The following NF2 variants were observed in gnomAD, a reference collection of about 807,000 sequenced individuals.
The protein encoded by NF2 is NF2, moesin-ezrin-radixin like (MERLIN) tumor suppressor.
A neutral mutation model predicts 83.7 loss-of-function variants in NF2; 8 were observed. The ratio of observed to expected loss-of-function variants is 0.10; its 90% CI spans 0.06 to 0.17. The LOEUF (loss-of-function observed/expected upper bound fraction) is 0.17. NF2 is among the 10% of genes least tolerant of loss of function. NF2 has a pLI of 1.00. For missense variants in NF2, 533 were observed against 744.4 expected (o/e 0.72, Z 3.31); for synonymous variants, 266 against 269.6 (o/e 0.99, Z 0.13).
chr22:29,607,233 T>C (rs573760763), intron 1 of NF2, among the ~76,000 whole-genome samples: 64 of 152,302 alleles, frequency 4.2e-4, no homozygotes, highest in African/African-American at 1.5e-3. Flanking sequence ...AAAAATGCTT[T>C]CCTCCAAACA....
chr22:29,632,542 C>T (rs2065543011), intron 1 of NF2, among the ~76,000 whole-genome samples: 1 of 152,224 alleles, frequency 6.6e-6, no homozygotes, highest in Non-Finnish European at 1.5e-5. Flanking sequence ...TAGTTCATAT[C>T]CTAGTCCTCT....
In NF2 at chr22:29,696,749, G is replaced by C. The variant is rs546242180; in HGVS notation, c.*1947G>C. The C allele has an allele frequency of 4.5e-6, 1 of 220,474 alleles. No individual in the cohort carries two copies. Among genetic ancestry groups the C allele is most frequent in the African/African-American group, 2.3e-5 (1 of 44,438 alleles). 13.7% of individuals were successfully genotyped at this position (220,474 alleles called of 1,614,324 possible). A position where few individuals can be genotyped will look rare whatever the true frequency, so the allele number is the denominator to read the frequency against. On this transcript the variant is annotated 3_prime_UTR_variant, in exon 16 of 16. Coordinates refer to ENST00000338641, the MANE Select transcript of NF2 (RefSeq NM_000268.4). ...TTCCTAGTGTGACCCAGCCAGGAGC[G>C]GAAGCTTCAGGCGTTTGTAAAGTGA...
chr22:29,655,816 G>A, intron 6 of NF2, 140 bp downstream of exon 6: 1 of 715,332 alleles, frequency 1.4e-6, no homozygotes. Context: ...GAGAGCTGGG[G>A]AGCTGGGAGT....
chr22:29,625,240 T>G (rs534522869), intron 1 of NF2, among the ~76,000 whole-genome samples: 1 of 152,348 alleles, frequency 6.6e-6, no homozygotes, highest in African/African-American at 2.4e-5. Flanking sequence ...TCTTCTTTTT[T>G]GTAACATGCT....
chr22:29,607,095 G>C (rs1645141873), intron 1 of NF2, among the ~76,000 whole-genome samples: 1 of 152,106 alleles, frequency 6.6e-6, no homozygotes, highest in Admixed American at 6.6e-5. Context: ...TGTCCCTCCT[G>C]TCCTGGTTGT....
chr22:29,681,353 A>G (rs1237543956), intron 14 of NF2, 86 bp from the exon 15 acceptor site: 9 of 1,561,704 alleles, frequency 5.8e-6, no homozygotes, highest in South Asian at 2.2e-5. Context: ...TAGATCGCAC[A>G]CCAAGCAGCT....
intron 1 of NF2, among the ~76,000 whole-genome samples, chr22:29,624,491 A>T (rs1282511717): frequency 6.6e-6 from 1 of 152,176 alleles, no homozygotes; most frequent in African/African-American, 2.4e-5. Flanking sequence ...TACAGGTGTG[A>T]GCCAACGTGC....
Position 29,637,651 on chromosome 22 carries a change from A to G in NF2, c.240+775A>G, listed in dbSNP as rs553537860. 1.6e-4 allele frequency among the ~76,000 whole-genome samples: 25 copies of G among 151,976 alleles called. No individual in the cohort carries two copies. In the South Asian group the frequency reaches 5.2e-3, roughly 32 times the overall value. On this transcript the variant is annotated intron_variant, in intron 2 of 15. Transcript: ENST00000338641. ...TCTTACCCCAAATGATGCCCCCTCC[A>G]GTTGCCTACCTGAGCATAATAAATA...
chr22:29,673,192 ATC>A (rs745890444), intron 11 of NF2, 75 bp from the exon 12 acceptor site: 56 of 1,464,796 alleles, frequency 3.8e-5, no homozygotes, highest in Non-Finnish European at 5.2e-5. Flanking sequence ...GGTTTGTCCC[ATC>A]TCAGTGTTCA....
chr22:29,605,151 ATTTTTTT>A lies in NF2; in HGVS notation c.114+1055_114+1061del, dbSNP rs34646924. On this transcript the variant is annotated intron_variant, in intron 1 of 15. Transcript: ENST00000338641. ...AGGCGTGTGCCACCACACCTGGCTAATTTTTTTTTTTTTTTTTTTTTTGAGACGGAGT... is the reference window on the plus strand; with the variant it reads ...AGGCGTGTGCCACCACACCTGGCTAATTTTTTTTTTTTTTTGAGACGGAGT... 1.9e-3 allele frequency among the ~76,000 whole-genome samples: 198 copies of A among 101,898 alleles called. 2 individuals carry two copies. Among genetic ancestry groups the A allele is most frequent in the African/African-American group, 7.9e-3 (189 of 24,008 alleles). 66.8% of individuals were successfully genotyped at this position (101,898 alleles called of 152,430 possible). A position where few individuals can be genotyped will look rare whatever the true frequency, so the allele number is the denominator to read the frequency against.
intron 4 of NF2, among the ~76,000 whole-genome samples, chr22:29,646,660 TAAAG>T (rs994987863): frequency 2.6e-5 from 4 of 152,178 alleles, no homozygotes; most frequent in Admixed American, 6.5e-5. Context: ...TTCCAAAGCA[TAAAG>T]AAACAATTAC....
At chr22:29,655,716 C>A in intron 6 of NF2, 40 bp downstream of exon 6, 4 of 1,182,450 alleles carry the variant, frequency 3.4e-6, no homozygotes, top group Non-Finnish European at 4.8e-6. Context: ...CCTTTATGGG[C>A]TTTTTTTTTT....
intron 15 of NF2, among the ~76,000 whole-genome samples, chr22:29,687,678 G>A (rs2067302288): frequency 6.6e-6 from 1 of 152,188 alleles, no homozygotes; most frequent in African/African-American, 2.4e-5. Flanking sequence ...TAGGAACTGG[G>A]CGTTGTATGG....
At chr22:29,660,286 T>C (rs558651400) in intron 7 of NF2, among the ~76,000 whole-genome samples, 1 of 152,332 alleles carries the variant, frequency 6.6e-6, no homozygotes, top group East Asian at 1.9e-4. Context: ...AGTACGGCTT[T>C]TAGACAACTT....
At chr22:29,610,826 G>GTAT (rs1486688800) in intron 1 of NF2, among the ~76,000 whole-genome samples, 4 of 152,008 alleles carry the variant, frequency 2.6e-5, no homozygotes, top group African/African-American at 7.2e-5. Flanking sequence ...TATGAGACTG[G>GTAT]TATTACCCTG....
At chr22:29,681,671 G>A in intron 15 of NF2, 70 bp downstream of exon 15, 1 of 1,590,306 alleles carries the variant, frequency 6.3e-7, no homozygotes, top group Middle Eastern at 1.7e-4. Context: ...GTTGGCATCT[G>A]GTTTCCTCAG....
At chr22:29,638,991 GA>G (rs1368293810) in intron 2 of NF2, 98 bp from the exon 3 acceptor site, 9 of 1,555,172 alleles carry the variant, frequency 5.8e-6, no homozygotes, top group African/African-American at 1.4e-5. Flanking sequence ...AATTTAGTGG[GA>G]AAAAAATTTA....
At chr22:29,676,155 T>G (rs2066956551) in intron 13 of NF2, among the ~76,000 whole-genome samples, 1 of 152,014 alleles carries the variant, frequency 6.6e-6, no homozygotes, top group African/African-American at 2.4e-5. Flanking sequence ...TATGTTTTTA[T>G]TTTTTATTTT....
intron 1 of NF2, among the ~76,000 whole-genome samples, chr22:29,624,867 TTCTCTTTCTCTCCTCTTTCTG>T: frequency 7.8e-6 from 1 of 128,054 alleles, no homozygotes. Context: ...CTTTCTTTCT[TTCTCTTTCTCTCCTCTTTCTG>T]TCTCTCTCTT....
Sources: gnomAD v4.1 joint callset for allele counts (sites outside exome capture counted in the v4.1 genomes callset) on GRCh38, gnomAD v4.1.1 for gene constraint, MANE v1.5 for transcripts, NCBI Gene and HGNC (gene_info 2026-07-23, HGNC 2026-07-21) for gene names.